The following FSTL5 variants were observed in gnomAD, a reference collection of about 807,000 sequenced individuals.
The protein encoded by FSTL5 is follistatin-related protein 5.
A neutral mutation model predicts 89.1 loss-of-function variants in FSTL5; 62 were observed. The observed-to-expected ratio is 0.70, with a 90% CI of 0.57 to 0.86. The LOEUF (loss-of-function observed/expected upper bound fraction) is 0.86. Ranked by LOEUF, FSTL5 falls within the 40% of genes least tolerant of loss-of-function variation. The pLI is 0.00. For synonymous variants in FSTL5, 383 were observed against 346.2 expected, an observed-to-expected ratio of 1.11 and a Z score of -1.18; for missense variants, 1,057 against 1,001.6, an observed-to-expected ratio of 1.06 and a Z score of -0.75.
At chr4:161,863,884 C>T (rs544822542) in intron 4 of FSTL5, among the ~76,000 whole-genome samples, 4 of 152,094 alleles carry the variant, frequency 2.6e-5, no homozygotes, top group Admixed American at 6.6e-5. Flanking sequence ...GGCTGACAGG[C>T]TAACAAATTT....
chr4:161,521,326 GT>G (rs964665181), intron 10 of FSTL5, among the ~76,000 whole-genome samples: 57 of 149,732 alleles, frequency 3.8e-4, no homozygotes, highest in Admixed American at 1.0e-3. Flanking sequence ...CATCCACAGT[GT>G]TTTTTTTTTC....
chr4:161,935,546 T>G (rs1431390146), intron 3 of FSTL5, among the ~76,000 whole-genome samples: 1 of 152,190 alleles, frequency 6.6e-6, no homozygotes, highest in African/African-American at 2.4e-5. Flanking sequence ...GACAAAGATC[T>G]CTTTAAATAC....
At chr4:161,980,149 T>G (rs200097968) in intron 3 of FSTL5, among the ~76,000 whole-genome samples, 35,063 of 112,532 alleles carry the variant, frequency 0.31, 4,832 homozygotes, top group African/African-American at 0.46. Flanking sequence ...AAAAGAAGGA[T>G]AAAGATAAAG....
chr4:161,471,318 A>G (rs1733931211), intron 13 of FSTL5, among the ~76,000 whole-genome samples: 1 of 152,102 alleles, frequency 6.6e-6, no homozygotes, highest in Admixed American at 6.5e-5. Context: ...TGGTCATGTA[A>G]TTTTTCTCTT....
intron 8 of FSTL5, among the ~76,000 whole-genome samples, chr4:161,579,054 G>A (rs1647217607): frequency 6.6e-6 from 1 of 152,060 alleles, no homozygotes; most frequent in Admixed American, 6.5e-5. Context: ...AAATGCAAAT[G>A]TTTTGTTCTC....
At chr4:161,849,317 G>A (rs1030124149) in intron 4 of FSTL5, among the ~76,000 whole-genome samples, 6 of 152,006 alleles carry the variant, frequency 3.9e-5, no homozygotes, top group Admixed American at 2.0e-4. Flanking sequence ...GTTGGTACAA[G>A]GTCTGGCCTA....
chr4:161,611,176 A>T (rs995836318), intron 7 of FSTL5, among the ~76,000 whole-genome samples: 4 of 146,160 alleles, frequency 2.7e-5, no homozygotes, highest in African/African-American at 1.0e-4. Flanking sequence ...ATATGTGTAT[A>T]TATGTATATA....
intron 6 of FSTL5, among the ~76,000 whole-genome samples, chr4:161,669,128 T>G (rs893199671): frequency 9.0e-4 from 102 of 113,696 alleles, no homozygotes; most frequent in African/African-American, 3.0e-3. Flanking sequence ...AAAAAAAAAA[T>G]AAAATAAAAT....
chr4:162,037,772 G>A (rs1316850717), intron 2 of FSTL5, among the ~76,000 whole-genome samples: 2 of 151,856 alleles, frequency 1.3e-5, no homozygotes, highest in East Asian at 1.9e-4. Flanking sequence ...AAAACTTAAG[G>A]GTAAACTCCC....
At chr4:161,650,730 A>G (rs139363334) in intron 7 of FSTL5, among the ~76,000 whole-genome samples, 1 of 152,322 alleles carries the variant, frequency 6.6e-6, no homozygotes, top group African/African-American at 2.4e-5. Context: ...CATGTAGCTA[A>G]GAAGTGGCAA....
At chr4:161,926,030 A>C (rs1734111356) in intron 3 of FSTL5, among the ~76,000 whole-genome samples, 1 of 151,960 alleles carries the variant, frequency 6.6e-6, no homozygotes, top group Admixed American at 6.6e-5. Context: ...TTGTGAAACT[A>C]TTACATAAAA....
In FSTL5 at chr4:161,819,217, ATTTG is replaced by A. The variant is rs201537115; in HGVS notation, c.410-43147_410-43144del. 8.6e-3 allele frequency among the ~76,000 whole-genome samples: 1,316 copies of A among 152,184 alleles called. 24 individuals are homozygous for A. The highest frequency in any genetic ancestry group is 0.03 in the African/African-American group (1,234 of 41,564). ...GTTGAAAATATTTTTGGTGAAATAA[ATTTG>A]TTTGTTTTTCATGATCAGAACTTAA... On this transcript the variant is annotated intron_variant, in intron 4 of 15. Coordinates refer to ENST00000306100, the MANE Select transcript of FSTL5 (RefSeq NM_020116.5).
intron 4 of FSTL5, among the ~76,000 whole-genome samples, chr4:161,828,815 A>G (rs561119262): frequency 6.6e-6 from 1 of 152,210 alleles, no homozygotes; most frequent in African/African-American, 2.4e-5. Flanking sequence ...AGTACAACAC[A>G]TGCTTATTAG....
intron 6 of FSTL5, among the ~76,000 whole-genome samples, chr4:161,745,693 A>G (rs1026679957): frequency 2.0e-5 from 3 of 152,086 alleles, no homozygotes; most frequent in African/African-American, 7.2e-5. Context: ...TCATTGTAGC[A>G]ATAAGATAAA....
At chr4:161,688,274 A>G (rs2126716503) in intron 6 of FSTL5, among the ~76,000 whole-genome samples, 1 of 152,166 alleles carries the variant, frequency 6.6e-6, no homozygotes, top group Admixed American at 6.5e-5. Context: ...ATAGAGATGG[A>G]ATCTTGCCTT....
At position 161,408,760 on chromosome 4, in the gene FSTL5, C is replaced by T. The variant is rs1731482467; in HGVS notation, c.1842-22311G>A. Among the ~76,000 whole-genome samples the T allele has an allele frequency of 5.3e-5, 8 of 152,254 alleles. No individual in the cohort carries two copies. In the South Asian group the frequency reaches 1.7e-3, roughly 32 times the overall value. On this transcript the variant is annotated intron_variant, in intron 15 of 15. Transcript: ENST00000306100. ...ACTGAGCTTCTTGAGCTAAAAAATT[C>T]ACTACAAGAATTGTATAATACAATC... is the stretch of plus-strand genomic sequence containing the variant.
At chr4:161,520,135 G>T (rs1388309736) in intron 10 of FSTL5, among the ~76,000 whole-genome samples, 6 of 151,928 alleles carry the variant, frequency 3.9e-5, no homozygotes, top group Admixed American at 3.9e-4. Context: ...AATCATTAGA[G>T]AAGTAGACTA....
At chr4:161,989,987 T>C (rs1736067564) in intron 3 of FSTL5, among the ~76,000 whole-genome samples, 1 of 152,162 alleles carries the variant, frequency 6.6e-6, no homozygotes. Flanking sequence ...CATTTACAAT[T>C]TAAGTATACC....
At chr4:161,411,500 G>A (rs71610959) in intron 15 of FSTL5, among the ~76,000 whole-genome samples, 17,273 of 152,104 alleles carry the variant, frequency 0.11, 1,069 homozygotes, top group Admixed American at 0.13. Context: ...TGATCAAGTA[G>A]GCTTTATTCC....
Sources: allele counts gnomAD v4.1 joint callset (sites outside exome capture counted in the v4.1 genomes callset), GRCh38; gene constraint gnomAD v4.1.1; transcripts MANE v1.5; gene names NCBI Gene and HGNC (gene_info 2026-07-23, HGNC 2026-07-21).